EEF1D: variants seen among roughly 807,000 people sequenced by gnomAD.
EEF1D encodes eukaryotic translation elongation factor 1 delta.
Under a neutral mutation model 63.9 loss-of-function variants are expected in EEF1D, and 47 were observed. That is an observed-to-expected ratio of 0.74 (90% CI 0.58 to 0.94). EEF1D has a LOEUF of 0.94. EEF1D is among the 40% of genes least tolerant of loss of function. The probability of loss-of-function intolerance (pLI) is 0.00; values close to 1 mark genes in which losing one functional copy is unlikely to be tolerated. For synonymous variants in EEF1D, 412 were observed against 386.1 expected (o/e 1.07, Z -0.79); for missense variants, 907 against 899.0 (o/e 1.01, Z -0.11).
Position 143,589,519 on chromosome 8 carries a change from G to C in EEF1D, c.563C>G (p.Pro188Arg), listed in dbSNP as rs138259793. 40 of 1,510,806 alleles carry C rather than the reference G, an allele frequency of 2.6e-5. No individual in the cohort carries two copies. The African/African-American group carries it at 5.0e-4, about 19-fold the overall frequency. The allele number at this position is 1,510,806 out of a possible 1,614,324, so 93.6% of individuals were successfully genotyped here. The change falls in exon 3 of 10, where the codon CCC (proline) becomes CGC (arginine). Residue 188 changes from proline (P) to arginine (R), a missense_variant. Physicochemically the swap from Pro to Arg is moderately radical, Grantham distance 103. Transcript: ENST00000618139. ...AGTCCCCTGCCTGCGGCTGCCGTCG[G>C]GGGCCAGCAACAGGGCCTGAGACCA... ...VEWSQALLLA[P>R]DGSRRQGTPN...
Position 143,589,205 on chromosome 8 carries a change from G to A in EEF1D, c.877C>T (p.Arg293Trp), listed in dbSNP as rs369780574. Residue 293 changes from arginine (R) to tryptophan (W), a missense_variant, in exon 3 of 10, where the codon CGG becomes TGG. Coordinates refer to ENST00000618139, the MANE Select transcript of EEF1D (RefSeq NM_001130053.5). ...GCAGAGGGGGCCTCCCCATCGGCCC[G>A]TCGCAGCCCGGCCCGCTTGTTCCCT... The part of the protein sequence containing the change: ...ILGNKRAGLR[R>W]ADGEAPSALP... The A allele has an allele frequency of 9.4e-5, 150 of 1,588,016 alleles. No individual in the cohort carries two copies. Among genetic ancestry groups the A allele is most frequent in the Admixed American group, 5.4e-4 (31 of 57,392 alleles).
chr8:143,597,076 T>A (rs1242663673), intron 1 of EEF1D: 3 of 151,998 alleles, frequency 2.0e-5, no homozygotes, highest in Non-Finnish European at 4.4e-5. Flanking sequence ...GCCGAGGGGC[T>A]TCCACGACCG....
chr8:143,581,875 T>C (rs1263456238), intron 5 of EEF1D: 3 of 156,566 alleles, frequency 1.9e-5, no homozygotes, highest in East Asian at 1.9e-4. Context: ...CACCTCATAC[T>C]CTGCCATAGC....
intron 8 of EEF1D, 91 bp downstream of exon 8, chr8:143,580,415 C>T (rs1825209618): frequency 6.8e-7 from 1 of 1,474,002 alleles, no homozygotes; most frequent in Admixed American, 1.8e-5. Flanking sequence ...TCCCCAGAAC[C>T]CAGAGGGCAG....
chr8:143,581,670 G>A (rs956106612), intron 5 of EEF1D: 1 of 349,394 alleles, frequency 2.9e-6, no homozygotes. Context: ...ACAGTCCTAG[G>A]GACAACCTGG....
rs1267112709 is a variant in EEF1D at position 143,579,969 on chromosome 8, C to CCCCA, written c.1905+39_1905+42dup. 5 of 1,594,290 alleles carry CCCCA rather than the reference C, an allele frequency of 3.1e-6. No individual in the cohort carries two copies. The Admixed American group carries it at 8.4e-5, about 27-fold the overall frequency. On this transcript the variant is annotated intron_variant, in intron 9 of 9. Coordinates refer to ENST00000618139, the MANE Select transcript of EEF1D (RefSeq NM_001130053.5). ...TGGAGTGCAGGGTATGGGCCAGGGTCCCCAGTCTCCTCTCCCCTCCTCTCC... is the reference window on the plus strand; with the variant it reads ...TGGAGTGCAGGGTATGGGCCAGGGTCCCCACCCAGTCTCCTCTCCCCTCCTCTCC...
At position 143,580,725 on chromosome 8, in the gene EEF1D, G is replaced by A. The variant is rs185553839; in HGVS notation, c.1491C>T (p.His497=). The change falls in exon 8 of 10, where the codon CAC becomes CAT. Residue 497 remains histidine, a splice_region_variant and synonymous_variant. Coordinates refer to ENST00000618139, the MANE Select transcript of EEF1D (RefSeq NM_001130053.5). ...GCTCCACTTGGCGCATGGGAGATAC[G>A]TGCTGCCACAGGGGAAGGGACAGGA... ...GHRATAPQTQ[H]VSPMRQVEPP... 26 of 1,612,806 alleles carry A rather than the reference G, an allele frequency of 1.6e-5. No homozygotes were observed. In the Middle Eastern group the frequency reaches 4.9e-4, roughly 31 times the overall value.
At chr8:143,585,198 T>C (rs539694662) in intron 5 of EEF1D, among the ~76,000 whole-genome samples, 54 of 152,222 alleles carry the variant, frequency 3.5e-4, no homozygotes, top group African/African-American at 1.1e-3. Flanking sequence ...ATTCAGGATT[T>C]TGAGGTGGGA....
intron 5 of EEF1D, 100 bp from the exon 6 acceptor site, chr8:143,581,428 C>T: frequency 1.8e-6 from 2 of 1,092,486 alleles, no homozygotes; most frequent in Non-Finnish European, 2.6e-6. Flanking sequence ...AAAACTACAG[C>T]TCGGGAGAGC....
intron 2 of EEF1D, 135 bp downstream of exon 2, chr8:143,592,512 C>A: frequency 2.4e-6 from 2 of 847,312 alleles, no homozygotes; most frequent in Non-Finnish European, 2.8e-6. Flanking sequence ...CTCCACTTTC[C>A]AGATGGGAAA....
At position 143,579,840 on chromosome 8, in the gene EEF1D, G is replaced by A. The variant is rs1824955780; in HGVS notation, c.1906-10C>T. On this transcript the variant is annotated splice_polypyrimidine_tract_variant and intron_variant, in intron 9 of 9. Coordinates refer to ENST00000618139, the MANE Select transcript of EEF1D (RefSeq NM_001130053.5). ...TATCGACACTCTGCACCTGAGGAGAGGCGGAGGGTGACGGTCAGGGCTGTT... is the reference window on the plus strand; with the variant it reads ...TATCGACACTCTGCACCTGAGGAGAAGCGGAGGGTGACGGTCAGGGCTGTT... 1 of 1,556,538 alleles carries A rather than the reference G, an allele frequency of 6.4e-7. No individual in the cohort carries two copies. Among genetic ancestry groups the A allele is most frequent in the South Asian group, 1.2e-5 (1 of 82,644 alleles).
chr8:143,593,749 C>T (rs563246051), intron 1 of EEF1D: 23 of 577,944 alleles, frequency 4.0e-5, no homozygotes, highest in Non-Finnish European at 4.8e-5. Context: ...AGGCCAGGCC[C>T]GTCACCTGGG....
At chr8:143,590,255 AG>A (rs1455252704) in intron 2 of EEF1D, 174 bp from the exon 3 acceptor site, 1 of 997,754 alleles carries the variant, frequency 1.0e-6, no homozygotes, top group Non-Finnish European at 1.5e-6. Context: ...AGGACTTCGA[AG>A]TCAAGCCCAT....
At chr8:143,586,486 G>C (rs1826653941) in intron 4 of EEF1D, among the ~76,000 whole-genome samples, 196 bp from the exon 5 acceptor site, 1 of 152,260 alleles carries the variant, frequency 6.6e-6, no homozygotes. Context: ...ATGTCTGCGG[G>C]GGAAGGAGTG....
At chr8:143,584,838 C>G (rs561309032) in intron 5 of EEF1D, among the ~76,000 whole-genome samples, 1 of 152,304 alleles carries the variant, frequency 6.6e-6, no homozygotes, top group Non-Finnish European at 1.5e-5. Context: ...TGTGAAACTG[C>G]CTGGGACTAG....
chr8:143,580,333 C>A, intron 8 of EEF1D, 127 bp from the exon 9 acceptor site: 1 of 1,267,614 alleles, frequency 7.9e-7, no homozygotes, highest in Non-Finnish European at 1.1e-6. Flanking sequence ...CCACAGAAAA[C>A]AATCCAAATT....
chr8:143,593,651 T>C (rs956111965), intron 1 of EEF1D, among the ~76,000 whole-genome samples: 11 of 152,114 alleles, frequency 7.2e-5, no homozygotes, highest in Non-Finnish European at 1.5e-4. Flanking sequence ...AGCTGCCCCA[T>C]GGGACCAGTA....
intron 1 of EEF1D, chr8:143,592,930 G>A (rs879678005): frequency 6.5e-6 from 1 of 153,590 alleles, no homozygotes; most frequent in Non-Finnish European, 1.4e-5. Flanking sequence ...GTCAGTTGGA[G>A]CCTAGGCAGG....
In EEF1D at chr8:143,589,501, T is replaced by C. The variant is rs1224620061; in HGVS notation, c.581A>G (p.Gln194Arg). ...LLLAPDGSRR[Q>R]GTPNTGQQVA... ...CTGCTGGCCTGTGTTGGGAGTCCCC[T>C]GCCTGCGGCTGCCGTCGGGGGCCAG... Residue 194 changes from glutamine (Q) to arginine (R), a missense_variant, in exon 3 of 10, where the codon CAG becomes CGG. Physicochemically the swap from Gln to Arg is conservative, Grantham distance 43. Coordinates refer to ENST00000618139, the MANE Select transcript of EEF1D (RefSeq NM_001130053.5). 1 of 1,513,858 alleles carries C rather than the reference T, an allele frequency of 6.6e-7. No homozygotes were observed. Among genetic ancestry groups the C allele is most frequent in the African/African-American group, 1.4e-5 (1 of 71,834 alleles). The allele number at this position is 1,513,858 out of a possible 1,614,324, so 93.8% of individuals were successfully genotyped here.
Sources: gnomAD v4.1 joint callset for allele counts (sites outside exome capture counted in the v4.1 genomes callset) on GRCh38, gnomAD v4.1.1 for gene constraint, MANE v1.5 for transcripts, NCBI Gene and HGNC (gene_info 2026-07-23, HGNC 2026-07-21) for gene names.